PLBD1: variants seen among roughly 807,000 people sequenced by gnomAD.
The protein encoded by PLBD1 is lysosomal leucine aminopeptidase.
PLBD1 carries 60 observed loss-of-function variants against 63.0 expected under a neutral mutation model. The ratio of observed to expected loss-of-function variants is 0.95; its 90% CI spans 0.77 to 1.18. PLBD1 has a LOEUF of 1.18. PLBD1 is among the 50% of genes most tolerant of loss of function. The pLI, the probability that PLBD1 is intolerant of heterozygous loss-of-function variation, is 0.00. For missense variants in PLBD1, 598 were observed against 677.9 expected (o/e 0.88, Z 1.31); for synonymous variants, 262 against 248.0 (o/e 1.06, Z -0.53).
intron 6 of PLBD1, among the ~76,000 whole-genome samples, chr12:14,521,812 G>T (rs1945379004): frequency 1.3e-5 from 2 of 151,682 alleles, no homozygotes; most frequent in Admixed American, 1.3e-4. Context: ...TAAAGAAATG[G>T]CAATTTACTA....
At chr12:14,555,312 C>T (rs775419416) in intron 1 of PLBD1, among the ~76,000 whole-genome samples, 3 of 152,072 alleles carry the variant, frequency 2.0e-5, no homozygotes, top group East Asian at 1.9e-4. Flanking sequence ...CCAAGGAGGA[C>T]GGATCACCTG....
intron 2 of PLBD1, among the ~76,000 whole-genome samples, chr12:14,549,896 G>A (rs1179571316): frequency 3.3e-5 from 5 of 152,240 alleles, no homozygotes; most frequent in South Asian, 2.1e-4. Flanking sequence ...TCGAACTCCC[G>A]ACCTCAGGTG....
At chr12:14,566,303 T>G (rs1945780676) in intron 1 of PLBD1, among the ~76,000 whole-genome samples, 1 of 152,074 alleles carries the variant, frequency 6.6e-6, no homozygotes, top group Non-Finnish European at 1.5e-5. Flanking sequence ...TGGAAAGATT[T>G]AAGATTGAAG....
At chr12:14,538,075 T>C (rs1231767515) in intron 4 of PLBD1, among the ~76,000 whole-genome samples, 2 of 152,104 alleles carry the variant, frequency 1.3e-5, no homozygotes, top group Non-Finnish European at 2.9e-5. Context: ...TAGTGTGTCA[T>C]ATGTGCTGTT....
chr12:14,549,529 C>T (rs1432752789), intron 2 of PLBD1, among the ~76,000 whole-genome samples: 1 of 152,154 alleles, frequency 6.6e-6, no homozygotes, highest in Non-Finnish European at 1.5e-5. Flanking sequence ...ATTTAAGAAA[C>T]CTCGGGCACT....
intron 6 of PLBD1, among the ~76,000 whole-genome samples, chr12:14,525,573 T>G (rs7956151): frequency 0.56 from 85,204 of 151,666 alleles, 24,846 homozygotes; most frequent in Admixed American, 0.7. Context: ...TAAAATACAA[T>G]AATCACAAAG....
chr12:14,539,102 C>T (rs796311767), intron 4 of PLBD1, among the ~76,000 whole-genome samples: 12 of 152,236 alleles, frequency 7.9e-5, no homozygotes, highest in African/African-American at 2.6e-4. Context: ...CTCATAGGTG[C>T]AAAACAGTAT....
In PLBD1 at chr12:14,511,321, G is replaced by T; in HGVS notation, c.1125C>A (p.Tyr375Ter). ...LNHSLDKGTL[Y>*]IVEQIPTYVE... ...CATATGTAGGAATTTGCTCCACAATGTACAGAGTGCCTTTGTCAAGACTGT... is the reference window on the plus strand; with the variant it reads ...CATATGTAGGAATTTGCTCCACAATTTACAGAGTGCCTTTGTCAAGACTGT... The change falls in exon 8 of 11, where the codon TAC becomes TAA. Residue 375 changes from tyrosine to a stop codon, truncating the protein, a stop_gained. Coordinates refer to ENST00000240617, the MANE Select transcript of PLBD1 (RefSeq NM_024829.6). LOFTEE classifies it high-confidence loss of function. 6.2e-7 allele frequency: 1 copy of T among 1,612,584 alleles called. No individual in the cohort carries two copies. Among genetic ancestry groups the T allele is most frequent in the Non-Finnish European group, 8.5e-7 (1 of 1,178,982 alleles).
rs71038607 is a variant in PLBD1, at chr12:14,556,989, C to CAAAA, written c.116-3581_116-3578dup. On this transcript the variant is annotated intron_variant, in intron 1 of 10. Coordinates refer to ENST00000240617, the MANE Select transcript of PLBD1 (RefSeq NM_024829.6). ...AACAAACAAGAGCGGAATTCCCTCT[C>CAAAA]AAAAAAAAAAAAAAAAAAAAGACTG... Among the ~76,000 whole-genome samples the CAAAA allele has an allele frequency of 4.1e-3, 312 of 75,930 alleles. 6 individuals are homozygous for CAAAA. The highest frequency in any genetic ancestry group is 8.2e-3 in the Middle Eastern group (1 of 122). The allele number at this position is 75,930 out of a possible 152,430, so 49.8% of individuals were successfully genotyped here.
Position 14,536,723 on chromosome 12 carries a change from A to G in PLBD1, c.559-13T>C. 6.2e-7 allele frequency: 1 copy of G among 1,613,288 alleles called. No homozygotes were observed. Among genetic ancestry groups the G allele is most frequent in the Non-Finnish European group, 8.5e-7 (1 of 1,179,456 alleles). ...ACAGGGTCATTGGCTAGGAAAGGAC[A>G]AAGACTGCACTTAACATCGTTTTGT... On this transcript the variant is annotated splice_polypyrimidine_tract_variant and intron_variant, in intron 4 of 10. Coordinates refer to ENST00000240617, the MANE Select transcript of PLBD1 (RefSeq NM_024829.6).
chr12:14,517,008 C>T (rs1407817825), intron 6 of PLBD1, among the ~76,000 whole-genome samples: 4 of 152,218 alleles, frequency 2.6e-5, no homozygotes, highest in Non-Finnish European at 5.9e-5. Context: ...CATTCCACTC[C>T]AGCATGGGCG....
chr12:14,505,100 G>A (rs1004489821), intron 10 of PLBD1, among the ~76,000 whole-genome samples: 54 of 131,638 alleles, frequency 4.1e-4, no homozygotes, highest in African/African-American at 1.4e-3. Flanking sequence ...GCTTCTCTAC[G>A]TCTACCTTTT....
Position 14,536,574 on chromosome 12 carries a change from A to G in PLBD1, c.695T>C (p.Ile232Thr), listed in dbSNP as rs753390545. The G allele has an allele frequency of 6.2e-7, 1 of 1,614,132 alleles. No homozygotes were observed. Residue 232 changes from isoleucine (I) to threonine (T), a missense_variant, in exon 5 of 11, where the codon ATC becomes ACC. By Grantham distance (89) the Ile-to-Thr change is moderately conservative (BLOSUM62 -1). Coordinates refer to ENST00000240617, the MANE Select transcript of PLBD1 (RefSeq NM_024829.6). ...RWDMGHCSAL[I>T]KVLPGFENIL... ...AAAGGAGCTGCTATGTCTTACCTTG[A>G]TAAGAGCGGAGCAATGTCCCATGTC...
intron 2 of PLBD1, among the ~76,000 whole-genome samples, chr12:14,546,673 G>A (rs1038245294): frequency 3.9e-5 from 6 of 152,104 alleles, no homozygotes; most frequent in African/African-American, 1.4e-4. Flanking sequence ...ATCCCACAAG[G>A]TACAGAACAG....
Position 14,536,598 on chromosome 12 carries a change from T to A in PLBD1, c.671A>T (p.Asp224Val). Residue 224 changes from aspartate (D) to valine (V), a missense_variant, in exon 5 of 11, where the codon GAC (aspartate) becomes GTC (valine). Physicochemically the swap from Asp to Val is radical, Grantham distance 152. Transcript: ENST00000240617. ...NGSLKVFKRW[D>V]MGHCSALIKV... ...GATAAGAGCGGAGCAATGTCCCATGTCCCATCTCTTAAAAACCTTTAGGCT... is the reference window on the plus strand; with the variant it reads ...GATAAGAGCGGAGCAATGTCCCATGACCCATCTCTTAAAAACCTTTAGGCT... The A allele has an allele frequency of 6.2e-7, 1 of 1,614,200 alleles. No homozygotes were observed. Among genetic ancestry groups the A allele is most frequent in the South Asian group, 1.1e-5 (1 of 91,076 alleles).
chr12:14,539,116 A>C (rs1945544570), intron 4 of PLBD1, among the ~76,000 whole-genome samples: 1 of 152,218 alleles, frequency 6.6e-6, no homozygotes, highest in Non-Finnish European at 1.5e-5. Context: ...ACAGTATCCC[A>C]TTGTAATTGA....
At chr12:14,549,256 A>C (rs1945638512) in intron 2 of PLBD1, among the ~76,000 whole-genome samples, 1 of 152,214 alleles carries the variant, frequency 6.6e-6, no homozygotes. Flanking sequence ...GGGTCTATAA[A>C]AATTAACAAA....
intron 10 of PLBD1, 32 bp from the exon 11 acceptor site, chr12:14,503,986 A>AAATC: frequency 6.4e-7 from 1 of 1,566,468 alleles, no homozygotes; most frequent in South Asian, 1.2e-5. Flanking sequence ...ACATTTTAGA[A>AAATC]AATCATCGTT....
chr12:14,524,490 C>T (rs10846016), intron 6 of PLBD1, among the ~76,000 whole-genome samples: 49,075 of 151,896 alleles, frequency 0.32, 8,652 homozygotes, highest in East Asian at 0.57. Context: ...TTCAGAGACA[C>T]TATGGTGTGC....
Sources: gnomAD v4.1 joint callset for allele counts (sites outside exome capture counted in the v4.1 genomes callset) on GRCh38, gnomAD v4.1.1 for gene constraint, MANE v1.5 for transcripts, NCBI Gene and HGNC (gene_info 2026-07-23, HGNC 2026-07-21) for gene names.